Variants in MYO5C observed in about 807,000 individuals in gnomAD.
MYO5C encodes the protein myosin VC.
Under a neutral mutation model 235.7 loss-of-function variants are expected in MYO5C, and 194 were observed. That is an observed-to-expected ratio of 0.82 (90% confidence interval 0.73 to 0.93). MYO5C has a LOEUF of 0.93. Ranked by LOEUF, MYO5C falls within the 40% of genes least tolerant of loss-of-function variation. The pLI is 0.00. For missense variants in MYO5C, 2,038 were observed against 2,127.2 expected (o/e 0.96, Z 0.82); for synonymous variants, 707 against 754.8 (o/e 0.94, Z 1.04).
chr15:52,202,927 TG>T (rs1261956944), intron 38 of MYO5C, among the ~76,000 whole-genome samples: 3 of 88,392 alleles, frequency 3.4e-5, no homozygotes, highest in Non-Finnish European at 9.9e-5. Flanking sequence ...AATTTTTTTT[TG>T]TTTTTTTTTT....
At chr15:52,272,086 G>T (rs952092103) in intron 6 of MYO5C, among the ~76,000 whole-genome samples, 8 of 152,194 alleles carry the variant, frequency 5.3e-5, no homozygotes, top group Non-Finnish European at 1.2e-4. Flanking sequence ...TATGAAATGG[G>T]AATGGCGTAA....
chr15:52,250,519 C>T (rs1157932281), intron 13 of MYO5C, among the ~76,000 whole-genome samples: 12 of 152,158 alleles, frequency 7.9e-5, no homozygotes, highest in African/African-American at 2.9e-4. Flanking sequence ...GCTGGGATTA[C>T]AGGTGTGAGC....
intron 5 of MYO5C, 85 bp downstream of exon 5, chr15:52,275,477 A>G: frequency 1.3e-6 from 2 of 1,528,208 alleles, no homozygotes; most frequent in Non-Finnish European, 1.8e-6. Flanking sequence ...AAGGGTGGGA[A>G]CTTGAATTAG....
At chr15:52,270,839 C>T (rs1316644576) in intron 7 of MYO5C, among the ~76,000 whole-genome samples, 1 of 152,038 alleles carries the variant, frequency 6.6e-6, no homozygotes, top group Non-Finnish European at 1.5e-5. Flanking sequence ...AACTTAGATT[C>T]TAAGAGTACA....
intron 39 of MYO5C, 132 bp downstream of exon 39, chr15:52,196,177 T>C: frequency 1.4e-6 from 1 of 718,218 alleles, no homozygotes. Context: ...GGGTGGGCCA[T>C]GGGTGATAGG....
intron 29 of MYO5C, among the ~76,000 whole-genome samples, chr15:52,222,206 G>A (rs1224796344): frequency 2.0e-5 from 3 of 152,148 alleles, no homozygotes; most frequent in African/African-American, 7.2e-5. Flanking sequence ...TTATTGGGAC[G>A]TAGCCCCATG....
chr15:52,205,210 C>A, intron 37 of MYO5C, 63 bp from the exon 38 acceptor site: 1 of 1,559,320 alleles, frequency 6.4e-7, no homozygotes, highest in Non-Finnish European at 8.7e-7. Context: ...GTTCCCGACG[C>A]TCTTCGGTTT....
chr15:52,271,683 A>G (rs1017010917), intron 7 of MYO5C, 80 bp downstream of exon 7: 8 of 782,614 alleles, frequency 1.0e-5, no homozygotes, highest in Admixed American at 6.5e-5. Context: ...AAACAAATAT[A>G]TTACTATAAG....
Position 52,211,790 on chromosome 15 carries a change from ATCAT to A in MYO5C, c.4232_4235del (p.Asn1411MetfsTer5), listed in dbSNP as rs1374949958. 3 of 1,614,090 alleles carry A rather than the reference ATCAT, an allele frequency of 1.9e-6. No individual in the cohort carries two copies. The highest frequency in any genetic ancestry group is 1.7e-5 in the Admixed American group (1 of 60,012). On this transcript the variant is annotated frameshift_variant, in exon 35 of 41. Coordinates refer to ENST00000261839, the MANE Select transcript of MYO5C (RefSeq NM_018728.4). LOFTEE classifies it high-confidence loss of function. ...TCATGAGGGACTTCAGCATGTTGGC[ATCAT>A]TCAGAGAGTCTGCGTAGCGCACACA...
In MYO5C at chr15:52,207,308, T is replaced by G. The variant is rs1319489968; in HGVS notation, c.4386+1246A>C. Among the ~76,000 whole-genome samples the G allele has an allele frequency of 1.3e-5, 2 of 152,244 alleles. 1 individual carries two copies. Among genetic ancestry groups the G allele is most frequent in the Non-Finnish European group, 2.9e-5 (2 of 68,042 alleles). ...CAAAGAAAGGATCATAAAACAGTGC[T>G]GAATAAAACATTCTTCCACTGATGT... On this transcript the variant is annotated intron_variant, in intron 36 of 40. Coordinates refer to ENST00000261839, the MANE Select transcript of MYO5C (RefSeq NM_018728.4).
intron 38 of MYO5C, among the ~76,000 whole-genome samples, chr15:52,201,636 G>C (rs959568202): frequency 6.6e-6 from 1 of 152,140 alleles, no homozygotes; most frequent in East Asian, 1.9e-4. Flanking sequence ...ACCTGGTTGA[G>C]TATAATAGAC....
chr15:52,278,058 C>A, intron 4 of MYO5C: 1 of 431,662 alleles, frequency 2.3e-6, no homozygotes, highest in South Asian at 1.7e-5. Context: ...AGTCAGTCAA[C>A]TTCACAGGAG....
intron 32 of MYO5C, among the ~76,000 whole-genome samples, chr15:52,217,395 C>T (rs910532530): frequency 6.6e-6 from 1 of 152,202 alleles, no homozygotes; most frequent in African/African-American, 2.4e-5. Context: ...CAGGGACAGT[C>T]AGAGTAAAGG....
At chr15:52,236,892 C>T (rs1205285048) in intron 22 of MYO5C, 2 of 152,186 alleles carry the variant, frequency 1.3e-5, no homozygotes, top group Admixed American at 6.5e-5. Context: ...AGGCATTTGG[C>T]TAACGTATTT....
At position 52,195,460 on chromosome 15, in the gene MYO5C, G is replaced by A. The variant is rs1400206714; in HGVS notation, c.4996-3C>T. On this transcript the variant is annotated splice_polypyrimidine_tract_variant and splice_region_variant and intron_variant, in intron 39 of 40. Transcript: ENST00000261839. Reference sequence around the variant, plus strand: ...TATGAATTAAGGATCTTTATGATCTGCAAACGGTACATAACATGGTGTTAG... The same window carrying A: ...TATGAATTAAGGATCTTTATGATCTACAAACGGTACATAACATGGTGTTAG... 2 of 1,599,820 alleles carry A rather than the reference G, an allele frequency of 1.3e-6. No homozygotes were observed. Among genetic ancestry groups the A allele is most frequent in the African/African-American group, 1.3e-5 (1 of 74,594 alleles).
intron 20 of MYO5C, among the ~76,000 whole-genome samples, chr15:52,240,867 C>A (rs1209266207): frequency 1.3e-5 from 2 of 152,196 alleles, no homozygotes; most frequent in East Asian, 3.8e-4. Flanking sequence ...TCAGAAGTGA[C>A]CGAATTAAGA....
Position 52,223,674 on chromosome 15 carries a change from A to T in MYO5C, c.3497T>A (p.Ile1166Asn), listed in dbSNP as rs1184999883. The change falls in exon 29 of 41, where the codon ATT (isoleucine) becomes AAT (asparagine). Residue 1166 changes from isoleucine (I) to asparagine (N), a missense_variant. Transcript: ENST00000261839. ...QSQKDCYEKEIEALNFKVVHL... is the reference protein window; with the variant it reads ...QSQKDCYEKENEALNFKVVHL... ...CACCACTTTGAAGTTCAAAGCTTCA[A>T]TCTCCTTTTCATAGCAATCCTTCTG... 6.2e-7 allele frequency: 1 copy of T among 1,614,138 alleles called. No homozygotes were observed. The highest frequency in any genetic ancestry group is 8.5e-7 in the Non-Finnish European group (1 of 1,180,004).
chr15:52,269,460 C>T (rs919544315), intron 8 of MYO5C, among the ~76,000 whole-genome samples: 3 of 133,102 alleles, frequency 2.3e-5, no homozygotes, highest in Admixed American at 8.7e-5. Context: ...GGTGTGATCT[C>T]GGCTCGATGC....
chr15:52,275,813 A>G (rs544020034), intron 4 of MYO5C, 95 bp from the exon 5 acceptor site: 1 of 1,214,552 alleles, frequency 8.2e-7, no homozygotes, highest in Non-Finnish European at 1.2e-6. Context: ...AAAAGAGGGA[A>G]ACTGTTTTGT....
Sources: gnomAD v4.1 joint callset for allele counts (sites outside exome capture counted in the v4.1 genomes callset) on GRCh38, gnomAD v4.1.1 for gene constraint, MANE v1.5 for transcripts, NCBI Gene and HGNC (gene_info 2026-07-23, HGNC 2026-07-21) for gene names.